Variants in SMO observed in about 807,000 individuals in gnomAD.
The protein encoded by SMO is smoothened, frizzled class receptor, also known as protein smoothened.
SMO carries 40 observed loss-of-function variants against 81.6 expected under a neutral mutation model. That is an observed-to-expected ratio of 0.49 (90% CI 0.38 to 0.64). SMO has a LOEUF of 0.64. Ranked by LOEUF, SMO falls within the 30% of genes least tolerant of loss-of-function variation. The pLI is 0.00. For synonymous variants in SMO, 434 were observed against 432.1 expected (o/e 1.00, Z -0.05); for missense variants, 916 against 1,061.1 (o/e 0.86, Z 1.90).
Position 129,189,084 on chromosome 7 carries a change from G to T in SMO, c.-68G>T. ...GCCTCCGCGGCCGCCGAGGTCGTGC[G>T]TGTGGCCGGGGGGCTCCGAGGAGCA... On this transcript the variant is annotated 5_prime_UTR_variant, in exon 1 of 12. Transcript: ENST00000249373. This position sits in a 1 kb window ranked among gnomAD's most constrained non-coding sequence, Gnocchi z 4.7. 1.7e-6 allele frequency: 2 copies of T among 1,195,474 alleles called. No homozygotes were observed. The highest frequency in any genetic ancestry group is 2.1e-6 in the Non-Finnish European group (2 of 961,182). The allele number at this position is 1,195,474 out of a possible 1,614,324, so 74.1% of individuals were successfully genotyped here. A position where few individuals can be genotyped will look rare whatever the true frequency, so the allele number is the denominator to read the frequency against.
At chr7:129,201,296 C>T (rs11768957) in intron 1 of SMO, among the ~76,000 whole-genome samples, 64,295 of 151,744 alleles carry the variant, frequency 0.42, 13,816 homozygotes, top group Non-Finnish European at 0.46. Context: ...CCACCCGCCT[C>T]GGCCTCCCAA....
intron 1 of SMO, 111 bp from the exon 2 acceptor site, chr7:129,203,273 C>A: frequency 1.3e-6 from 1 of 779,262 alleles, no homozygotes; most frequent in Non-Finnish European, 2.1e-6. Context: ...CCTGCCAGGT[C>A]TGACCAGTGA....
At chr7:129,197,925 C>T (rs1793612382) in intron 1 of SMO, among the ~76,000 whole-genome samples, 1 of 152,050 alleles carries the variant, frequency 6.6e-6, no homozygotes. Flanking sequence ...GCGGTAACAC[C>T]CGTATTCCTG....
intron 1 of SMO, among the ~76,000 whole-genome samples, chr7:129,202,294 T>C (rs1273277731): frequency 1.3e-5 from 2 of 151,738 alleles, no homozygotes; most frequent in African/African-American, 2.4e-5. Context: ...CAGGAAAGAG[T>C]GGAGCCAAGA....
intron 1 of SMO, among the ~76,000 whole-genome samples, chr7:129,190,431 TC>T (rs1793465350): frequency 6.6e-6 from 1 of 152,218 alleles, no homozygotes; most frequent in Non-Finnish European, 1.5e-5. Context: ...TTATCAGCCC[TC>T]GCTTCTAGCC....
At chr7:129,199,926 C>T (rs900755448) in intron 1 of SMO, among the ~76,000 whole-genome samples, 2 of 152,098 alleles carry the variant, frequency 1.3e-5, no homozygotes, top group Non-Finnish European at 2.9e-5. Context: ...TAGAATTATG[C>T]AATTTTTACT....
rs371993481 is a variant in SMO at position 129,206,208 on chromosome 7, G to A, written c.979G>A (p.Ala327Thr). The A allele has an allele frequency of 4.6e-5, 74 of 1,613,846 alleles. No individual in the cohort carries two copies. Among genetic ancestry groups the A allele is most frequent in the Non-Finnish European group, 6.0e-5 (71 of 1,179,912 alleles). ...TGTCATCGTGTACTACGCCCTGATG[G>A]CTGGTGTGGTTTGGTTTGTGGTCCT... Reference protein sequence around the residue: ...IFVIVYYALMAGVVWFVVLTY... With the variant: ...IFVIVYYALMTGVVWFVVLTY... The change falls in exon 5 of 12, where the codon GCT becomes ACT. Residue 327 changes from alanine to threonine, a missense_variant. Ala to Thr is a moderately conservative substitution (Grantham distance 58). Coordinates refer to ENST00000249373, the MANE Select transcript of SMO (RefSeq NM_005631.5). This position sits in a 1 kb window ranked among gnomAD's most constrained non-coding sequence, Gnocchi z 4.4.
rs1584664883 is a variant in SMO, at chr7:129,210,066, C to A, written c.1467-297C>A. ...CAGGCATCAGTAGCTATTAAAAGCT[C>A]CCCAGTTGATTCTAATGAGCACCCA... On this transcript the variant is annotated intron_variant, in intron 8 of 11. Coordinates refer to ENST00000249373, the MANE Select transcript of SMO (RefSeq NM_005631.5). This position sits in a 1 kb window ranked among gnomAD's most constrained non-coding sequence, Gnocchi z 4.7. The A allele has an allele frequency of 3.6e-6, 1 of 274,118 alleles. No individual in the cohort carries two copies. The highest frequency in any genetic ancestry group is 6.6e-5 in the East Asian group (1 of 15,138). 17.0% of individuals were successfully genotyped at this position (274,118 alleles called of 1,614,324 possible).
chr7:129,210,824 G>C lies in SMO; in HGVS notation c.1653-141G>C, dbSNP rs1363382083. ...CTGGCCCCACTTCTTTGCAGAGAAG[G>C]CCTCTACTCCTGAGTCCTTGAAGGA... On this transcript the variant is annotated intron_variant, in intron 9 of 11. Transcript: ENST00000249373. This position sits in a 1 kb window ranked among gnomAD's most constrained non-coding sequence, Gnocchi z 4.7. 2 of 842,464 alleles carry C rather than the reference G, an allele frequency of 2.4e-6. No individual in the cohort carries two copies. The highest frequency in any genetic ancestry group is 3.4e-5 in the African/African-American group (2 of 58,116). 52.2% of individuals were successfully genotyped at this position (842,464 alleles called of 1,614,324 possible).
intron 1 of SMO, among the ~76,000 whole-genome samples, chr7:129,193,552 A>G (rs1793509510): frequency 6.6e-6 from 1 of 151,148 alleles, no homozygotes; most frequent in Non-Finnish European, 1.5e-5. Context: ...AGGTCAGGAG[A>G]TCGAGACCAT....
In SMO at chr7:129,206,828, C is replaced by T. The variant is rs1216876995; in HGVS notation, c.1264+241C>T. ...CTCTCTCCAGGGCCTTGGCCCAGGG[C>T]TCACAGCTTGTTTTTTTTGTTTGTT... is the stretch of plus-strand genomic sequence containing the variant. On this transcript the variant is annotated intron_variant, in intron 6 of 11. Coordinates refer to ENST00000249373, the MANE Select transcript of SMO (RefSeq NM_005631.5). This position sits in a 1 kb window ranked among gnomAD's most constrained non-coding sequence, Gnocchi z 4.4. Among the ~76,000 whole-genome samples, 1 of 116,834 alleles carries T rather than the reference C, an allele frequency of 8.6e-6. No homozygotes were observed. Among genetic ancestry groups the T allele is most frequent in the African/African-American group, 3.1e-5 (1 of 32,714 alleles). 76.6% of individuals were successfully genotyped at this position (116,834 alleles called of 152,430 possible).
intron 1 of SMO, among the ~76,000 whole-genome samples, chr7:129,191,793 AC>A (rs894605284): frequency 1.3e-5 from 2 of 152,012 alleles, no homozygotes; most frequent in Admixed American, 1.3e-4. Context: ...CTGGGTCTTC[AC>A]TTTTTTTCAA....
chr7:129,200,162 C>T (rs779299192), intron 1 of SMO, among the ~76,000 whole-genome samples: 10 of 152,206 alleles, frequency 6.6e-5, no homozygotes, highest in South Asian at 2.1e-4. Flanking sequence ...TGGCTCACGC[C>T]GTAATCCCAC....
Position 129,212,576 on chromosome 7 carries a change from AAG to A in SMO, c.*130_*131del, listed in dbSNP as rs1361571607. 6 of 890,590 alleles carry A rather than the reference AAG, an allele frequency of 6.7e-6. No individual in the cohort carries two copies. The highest frequency in any genetic ancestry group is 5.1e-5 in the East Asian group (2 of 38,996). 55.2% of individuals were successfully genotyped at this position (890,590 alleles called of 1,614,324 possible). A position where few individuals can be genotyped will look rare whatever the true frequency, so the allele number is the denominator to read the frequency against. ...GAACCTGTGGGCTGACTGCCCTCCG[AAG>A]AGAGTTCTGGATGTCTGGCTCAAAG... On this transcript the variant is annotated 3_prime_UTR_variant, in exon 12 of 12. Coordinates refer to ENST00000249373, the MANE Select transcript of SMO (RefSeq NM_005631.5). This position sits in a 1 kb window ranked among gnomAD's most constrained non-coding sequence, Gnocchi z 5.0.
At chr7:129,201,830 A>G (rs1219395432) in intron 1 of SMO, among the ~76,000 whole-genome samples, 4 of 151,656 alleles carry the variant, frequency 2.6e-5, no homozygotes, top group Admixed American at 6.6e-5. Flanking sequence ...ACAGGCATGT[A>G]CCACCACGAC....
chr7:129,210,667 C>G lies in SMO; in HGVS notation c.1652+119C>G. 1 of 861,418 alleles carries G rather than the reference C, an allele frequency of 1.2e-6. No homozygotes were observed. The highest frequency in any genetic ancestry group is 2.4e-5 in the Admixed American group (1 of 40,930). The allele number at this position is 861,418 out of a possible 1,614,324, so 53.4% of individuals were successfully genotyped here. ...AGCCTTGGTCAGTGGTTCACCGCTG[C>G]CCCCTGGTGGCACCTTCTGTCCTTG... On this transcript the variant is annotated intron_variant, in intron 9 of 11. Transcript: ENST00000249373. The surrounding 1 kb of genome is among the most constrained non-coding windows in gnomAD (Gnocchi z 4.7).
chr7:129,194,975 G>T (rs1157110006), intron 1 of SMO, among the ~76,000 whole-genome samples: 3 of 152,082 alleles, frequency 2.0e-5, no homozygotes, highest in Non-Finnish European at 2.9e-5. Flanking sequence ...TAGAGACAGG[G>T]TTTTGCCATG....
intron 1 of SMO, among the ~76,000 whole-genome samples, chr7:129,198,458 C>A (rs1028201503): frequency 6.6e-6 from 1 of 152,240 alleles, no homozygotes; most frequent in African/African-American, 2.4e-5. Context: ...ACCGCCCAAC[C>A]AGTACCATGC....
At chr7:129,207,687 G>A (rs1340015604) in intron 6 of SMO, among the ~76,000 whole-genome samples, 1 of 152,076 alleles carries the variant, frequency 6.6e-6, no homozygotes, top group East Asian at 1.9e-4. Flanking sequence ...TGAGCTCAGA[G>A]TTCGAGACCA....
Sources: gnomAD v4.1 joint callset for allele counts (sites outside exome capture counted in the v4.1 genomes callset) on GRCh38, gnomAD v4.1.1 for gene constraint, Gnocchi (gnomAD v3.1) non-coding constraint, MANE v1.5 for transcripts, NCBI Gene and HGNC (gene_info 2026-07-23, HGNC 2026-07-21) for gene names.